Variants in RUNDC3B observed in about 807,000 individuals in gnomAD.
RUNDC3B encodes the protein RUN domain containing 3B.
A neutral mutation model predicts 58.4 loss-of-function variants in RUNDC3B; 33 were observed. The observed-to-expected ratio is 0.56, with a 90% CI of 0.43 to 0.75. The LOEUF (loss-of-function observed/expected upper bound fraction) is 0.75, where lower values mean the gene tolerates loss of function less well. Ranked by LOEUF, RUNDC3B falls within the 30% of genes least tolerant of loss-of-function variation. The pLI is 0.00. For missense variants in RUNDC3B, 501 were observed against 535.7 expected, an observed-to-expected ratio of 0.94 and a Z score of 0.64; for synonymous variants, 193 against 195.2, an observed-to-expected ratio of 0.99 and a Z score of 0.10.
intron 6 of RUNDC3B, among the ~76,000 whole-genome samples, chr7:87,754,341 T>C (rs1489857369): frequency 6.6e-6 from 1 of 152,154 alleles, no homozygotes; most frequent in Non-Finnish European, 1.5e-5. Context: ...TGATTGACTT[T>C]TGGGTAAATA....
At chr7:87,736,882 TATA>T (rs1262620312) in intron 4 of RUNDC3B, among the ~76,000 whole-genome samples, 73 of 40,948 alleles carry the variant, frequency 1.8e-3, no homozygotes, top group East Asian at 2.8e-3. Context: ...TATATATATA[TATA>T]TATATTTTTT....
At chr7:87,727,464 G>A (rs1000636923) in intron 4 of RUNDC3B, among the ~76,000 whole-genome samples, 1 of 151,894 alleles carries the variant, frequency 6.6e-6, no homozygotes, top group Non-Finnish European at 1.5e-5. Flanking sequence ...GTATTTCTTT[G>A]ATTATTAATG....
chr7:87,807,376 T>C lies in RUNDC3B; in HGVS notation c.960T>C (p.Thr320=), dbSNP rs1480745567. The C allele has an allele frequency of 1.2e-6, 2 of 1,613,514 alleles. No homozygotes were observed. Among genetic ancestry groups the C allele is most frequent in the African/African-American group, 2.7e-5 (2 of 74,908 alleles). The change falls in exon 9 of 11, where the codon ACT becomes ACC. Residue 320 remains threonine (T), a synonymous_variant. Coordinates refer to ENST00000394654, the MANE Select transcript of RUNDC3B (RefSeq NM_001134405.2). The part of the protein sequence containing the change: ...YIIVELQDQL[T]VLKNNDLRSR... ...CTCACCATCTTAATATTCACAGGACTGTGCTAAAGAATAATGATTTAAGAT... is the reference window on the plus strand; with the variant it reads ...CTCACCATCTTAATATTCACAGGACCGTGCTAAAGAATAATGATTTAAGAT...
chr7:87,709,011 C>T (rs1366031127), intron 3 of RUNDC3B, among the ~76,000 whole-genome samples: 1 of 152,070 alleles, frequency 6.6e-6, no homozygotes, highest in Admixed American at 6.5e-5. Context: ...TTAAGTTGTT[C>T]TACTTCTTGG....
At chr7:87,680,679 A>G (rs973745030) in intron 2 of RUNDC3B, among the ~76,000 whole-genome samples, 3 of 150,284 alleles carry the variant, frequency 2.0e-5, no homozygotes, top group Non-Finnish European at 4.4e-5. Context: ...CTGTAATCCC[A>G]GCTACTTAGG....
At chr7:87,763,465 C>A (rs1231629643) in intron 6 of RUNDC3B, among the ~76,000 whole-genome samples, 1 of 151,486 alleles carries the variant, frequency 6.6e-6, no homozygotes, top group East Asian at 1.9e-4. Flanking sequence ...ACATCTCTAA[C>A]GTTTTAGTTT....
intron 2 of RUNDC3B, among the ~76,000 whole-genome samples, chr7:87,688,261 G>A (rs1827669083): frequency 6.6e-6 from 1 of 151,988 alleles, no homozygotes; most frequent in East Asian, 1.9e-4. Context: ...GTTTTAAATT[G>A]CATATGGAAT....
chr7:87,828,790 A>C (rs994440333), intron 10 of RUNDC3B, among the ~76,000 whole-genome samples: 3 of 152,204 alleles, frequency 2.0e-5, no homozygotes, highest in African/African-American at 7.2e-5. Context: ...GTTCTTTGAG[A>C]AATCTTCAAA....
intron 8 of RUNDC3B, among the ~76,000 whole-genome samples, chr7:87,781,296 T>C (rs1295914078): frequency 6.9e-6 from 1 of 144,274 alleles, no homozygotes; most frequent in Non-Finnish European, 1.6e-5. Flanking sequence ...TTGACCGTTA[T>C]TGGTGTATAG....
At chr7:87,729,730 G>A (rs1563167758) in intron 4 of RUNDC3B, among the ~76,000 whole-genome samples, 1 of 152,180 alleles carries the variant, frequency 6.6e-6, no homozygotes. Flanking sequence ...ATGACCTAGT[G>A]AAACACCAGC....
intron 2 of RUNDC3B, among the ~76,000 whole-genome samples, chr7:87,690,055 G>A (rs759403222): frequency 4.7e-4 from 72 of 151,884 alleles, no homozygotes; most frequent in South Asian, 1.0e-3. Flanking sequence ...ATCTCGAACC[G>A]CTGAGCTCAA....
chr7:87,759,504 A>G (rs1395225602), intron 6 of RUNDC3B, among the ~76,000 whole-genome samples: 4 of 152,120 alleles, frequency 2.6e-5, no homozygotes, highest in African/African-American at 9.7e-5. Context: ...ACACAAAGAA[A>G]TGACACATGT....
chr7:87,734,722 T>A (rs1831818209), intron 4 of RUNDC3B, among the ~76,000 whole-genome samples: 1 of 152,104 alleles, frequency 6.6e-6, no homozygotes, highest in South Asian at 2.1e-4. Context: ...CACCAAGAAT[T>A]TTTAAAAGAA....
At chr7:87,705,103 C>A (rs1307092498) in intron 3 of RUNDC3B, among the ~76,000 whole-genome samples, 4 of 152,100 alleles carry the variant, frequency 2.6e-5, no homozygotes, top group Non-Finnish European at 5.9e-5. Context: ...AGCTTGTCAC[C>A]ATGGACAATC....
intron 2 of RUNDC3B, among the ~76,000 whole-genome samples, chr7:87,678,257 ACT>A (rs1202942765): frequency 6.6e-6 from 1 of 152,036 alleles, no homozygotes; most frequent in African/African-American, 2.4e-5. Flanking sequence ...CCTGGCCCTG[ACT>A]CTACTCTTGA....
At chr7:87,784,864 G>A (rs986156517) in intron 8 of RUNDC3B, among the ~76,000 whole-genome samples, 5 of 152,076 alleles carry the variant, frequency 3.3e-5, no homozygotes, top group African/African-American at 1.2e-4. Flanking sequence ...TAGCCCTAAG[G>A]GGGACTCTGG....
intron 6 of RUNDC3B, among the ~76,000 whole-genome samples, chr7:87,751,292 A>G (rs1286383407): frequency 6.6e-6 from 1 of 152,078 alleles, no homozygotes; most frequent in Non-Finnish European, 1.5e-5. Context: ...GCCTTGTAGT[A>G]TAGTTTGAAG....
intron 6 of RUNDC3B, among the ~76,000 whole-genome samples, chr7:87,766,931 T>C (rs1038467600): frequency 6.6e-6 from 1 of 152,140 alleles, no homozygotes; most frequent in African/African-American, 2.4e-5. Flanking sequence ...TTGAAGGCTT[T>C]GTTGATTTTT....
chr7:87,637,092 A>ATT (rs1821853333), intron 1 of RUNDC3B, among the ~76,000 whole-genome samples: 1 of 152,176 alleles, frequency 6.6e-6, no homozygotes, highest in South Asian at 2.1e-4. Flanking sequence ...CCATGATTCA[A>ATT]TTACCTCCCA....
Sources: allele counts gnomAD v4.1 joint callset (sites outside exome capture counted in the v4.1 genomes callset), GRCh38; gene constraint gnomAD v4.1.1; transcripts MANE v1.5; gene names NCBI Gene and HGNC (gene_info 2026-07-23, HGNC 2026-07-21).